SYT1: variants seen among roughly 807,000 people sequenced by gnomAD.
SYT1 encodes synaptotagmin 1.
SYT1 carries 8 observed loss-of-function variants against 44.8 expected under a neutral mutation model. That is an observed-to-expected ratio of 0.18 (90% confidence interval 0.10 to 0.32). The LOEUF is 0.32. Ranked by LOEUF, SYT1 falls within the 10% of genes least tolerant of loss-of-function variation. The pLI, the probability that SYT1 is intolerant of heterozygous loss-of-function variation, is 1.00. For missense variants in SYT1, 286 were observed against 509.3 expected (o/e 0.56, Z 4.22); for synonymous variants, 154 against 188.8 (o/e 0.82, Z 1.51).
At chr12:79,045,341 C>A (rs370045935) in intron 2 of SYT1, among the ~76,000 whole-genome samples, 5 of 144,582 alleles carry the variant, frequency 3.5e-5, no homozygotes, top group Admixed American at 2.7e-4. Context: ...TTTTTTAAGC[C>A]GGTCGGAAAA....
intron 3 of SYT1, among the ~76,000 whole-genome samples, chr12:79,180,544 G>T (rs984097733): frequency 6.6e-6 from 1 of 151,764 alleles, no homozygotes; most frequent in Non-Finnish European, 1.5e-5. Context: ...ATAGCATAAT[G>T]CTGGCATCTT....
intron 1 of SYT1, among the ~76,000 whole-genome samples, chr12:78,912,450 T>C (rs999591766): frequency 2.0e-5 from 3 of 151,900 alleles, no homozygotes; most frequent in African/African-American, 7.2e-5. Flanking sequence ...TGGTGGAGAA[T>C]AAAGCAGCAT....
At chr12:79,198,575 T>G (rs1007998579) in intron 3 of SYT1, among the ~76,000 whole-genome samples, 5 of 152,010 alleles carry the variant, frequency 3.3e-5, no homozygotes, top group Non-Finnish European at 5.9e-5. Flanking sequence ...CACTTAAAAT[T>G]ATTTTGAAGC....
intron 8 of SYT1, among the ~76,000 whole-genome samples, chr12:79,339,990 G>A (rs1882286456): frequency 1.3e-5 from 2 of 152,162 alleles, no homozygotes; most frequent in South Asian, 4.1e-4. Flanking sequence ...TAGATGTGTG[G>A]TGTTATTTCT....
At chr12:79,311,046 A>C (rs1880758183) in intron 8 of SYT1, among the ~76,000 whole-genome samples, 1 of 152,250 alleles carries the variant, frequency 6.6e-6, no homozygotes, top group Non-Finnish European at 1.5e-5. Flanking sequence ...GACTTCCAAC[A>C]GTATATTGAA....
chr12:79,353,725 C>G (rs1010403632), intron 9 of SYT1, 106 bp downstream of exon 9: 3 of 847,350 alleles, frequency 3.5e-6, no homozygotes, highest in African/African-American at 3.3e-5. Flanking sequence ...GATCACAGTT[C>G]TCTTTCCTAT....
intron 8 of SYT1, among the ~76,000 whole-genome samples, chr12:79,303,841 C>CT (rs1880264063): frequency 6.6e-6 from 1 of 152,166 alleles, no homozygotes; most frequent in Admixed American, 6.5e-5. Flanking sequence ...CTTATGGCAT[C>CT]TTTTATGCCC....
At chr12:79,175,337 T>G (rs1565838875) in intron 3 of SYT1, among the ~76,000 whole-genome samples, 1 of 152,098 alleles carries the variant, frequency 6.6e-6, no homozygotes, top group Non-Finnish European at 1.5e-5. Flanking sequence ...AGTATAGGGA[T>G]AATGTAATAA....
At chr12:78,939,133 T>G (rs999627455) in intron 1 of SYT1, among the ~76,000 whole-genome samples, 1 of 152,014 alleles carries the variant, frequency 6.6e-6, no homozygotes, top group Non-Finnish European at 1.5e-5. Context: ...AGGTAGTTTT[T>G]AAAAAAAATA....
chr12:79,417,474 C>G (rs758673190), intron 9 of SYT1, among the ~76,000 whole-genome samples: 1 of 152,142 alleles, frequency 6.6e-6, no homozygotes, highest in Non-Finnish European at 1.5e-5. Context: ...CTCTCAAAGC[C>G]CAGCCCCCTT....
chr12:78,956,648 G>T (rs898418145), intron 1 of SYT1, among the ~76,000 whole-genome samples: 1 of 151,928 alleles, frequency 6.6e-6, no homozygotes, highest in Admixed American at 6.6e-5. Context: ...CTGTATTTTA[G>T]TAGCCAATTA....
chr12:79,174,054 C>T (rs1357358639), intron 3 of SYT1, among the ~76,000 whole-genome samples: 1 of 151,994 alleles, frequency 6.6e-6, no homozygotes, highest in African/African-American at 2.4e-5. Context: ...AAGCAGAAGA[C>T]AGACGTCTAT....
At chr12:79,159,619 G>GA (rs946446511) in intron 3 of SYT1, among the ~76,000 whole-genome samples, 1 of 151,952 alleles carries the variant, frequency 6.6e-6, no homozygotes, top group Admixed American at 6.6e-5. Context: ...GTATATGTAG[G>GA]AAAAAAATAG....
Position 79,228,064 on chromosome 12 carries a change from A to G in SYT1, c.166+10379A>G, listed in dbSNP as rs187227130. ...TTTTTTTTTTTGGTCCTATAATTTT[A>G]CTTTCTCTCTCCTTCATTCCCTTTA... On this transcript the variant is annotated intron_variant, in intron 4 of 10. Transcript: ENST00000261205. 4.8e-3 allele frequency among the ~76,000 whole-genome samples: 611 copies of G among 128,014 alleles called. 5 individuals are homozygous for G. Among genetic ancestry groups the G allele is most frequent in the Non-Finnish European group, 6.4e-3 (387 of 60,660 alleles). 84.0% of individuals were successfully genotyped at this position (128,014 alleles called of 152,430 possible).
chr12:79,352,499 A>C (rs929917210), intron 8 of SYT1, among the ~76,000 whole-genome samples: 1 of 152,160 alleles, frequency 6.6e-6, no homozygotes, highest in Non-Finnish European at 1.5e-5. Context: ...CTAATTCTGC[A>C]TGTCAGAAAG....
intron 9 of SYT1, among the ~76,000 whole-genome samples, chr12:79,357,313 T>C (rs1454309906): frequency 6.6e-6 from 1 of 152,204 alleles, no homozygotes; most frequent in African/African-American, 2.4e-5. Context: ...AACTTTCAAA[T>C]GCTTGTGAGC....
intron 9 of SYT1, among the ~76,000 whole-genome samples, chr12:79,396,772 A>G (rs1232083020): frequency 2.0e-5 from 3 of 152,240 alleles, no homozygotes; most frequent in Admixed American, 2.0e-4. Context: ...GCCAGGCATT[A>G]TAATGTTGGT....
At chr12:78,905,702 C>T (rs752265130) in intron 1 of SYT1, among the ~76,000 whole-genome samples, 33 of 151,746 alleles carry the variant, frequency 2.2e-4, no homozygotes, top group Non-Finnish European at 4.6e-4. Flanking sequence ...ACCTAAATAC[C>T]TGAACATTGG....
intron 9 of SYT1, among the ~76,000 whole-genome samples, chr12:79,377,752 T>C (rs1046180950): frequency 1.3e-5 from 2 of 152,316 alleles, no homozygotes; most frequent in South Asian, 2.1e-4. Context: ...GTACTAATTA[T>C]AGATTGAGAA....
Sources: gnomAD v4.1 joint callset for allele counts (sites outside exome capture counted in the v4.1 genomes callset) on GRCh38, gnomAD v4.1.1 for gene constraint, MANE v1.5 for transcripts, NCBI Gene and HGNC (gene_info 2026-07-23, HGNC 2026-07-21) for gene names.